The following ADARB2 variants were observed in gnomAD, a reference collection of about 807,000 sequenced individuals.
ADARB2 encodes adenosine deaminase RNA specific B2 (inactive), also known as inactive double-stranded RNA-specific editase B2.
Under a neutral mutation model 62.2 loss-of-function variants are expected in ADARB2, and 25 were observed. That is an observed-to-expected ratio of 0.40 (90% CI 0.29 to 0.56). The LOEUF (loss-of-function observed/expected upper bound fraction) is 0.56. Among genes scored for constraint, ADARB2 ranks in the 20% least tolerant of loss-of-function variants. The pLI is 0.43. For missense variants in ADARB2, 1,071 were observed against 1,077.4 expected, an observed-to-expected ratio of 0.99 and a Z score of 0.08; for synonymous variants, 572 against 500.8, an observed-to-expected ratio of 1.14 and a Z score of -1.90.
At chr10:1,711,743 T>C (rs1234829681) in intron 1 of ADARB2, among the ~76,000 whole-genome samples, 1 of 152,148 alleles carries the variant, frequency 6.6e-6, no homozygotes, top group Non-Finnish European at 1.5e-5. Flanking sequence ...CCCATGAAAA[T>C]AAGTAATGAA....
intron 3 of ADARB2, among the ~76,000 whole-genome samples, chr10:1,318,608 G>C (rs566743893): frequency 2.0e-4 from 6 of 29,758 alleles, no homozygotes; most frequent in African/African-American, 8.5e-4. Context: ...TGCTGTCCTC[G>C]TGTACAAGTG....
intron 1 of ADARB2, among the ~76,000 whole-genome samples, chr10:1,521,910 C>G (rs1200501870): frequency 1.3e-5 from 2 of 152,106 alleles, no homozygotes; most frequent in African/African-American, 4.8e-5. Flanking sequence ...AGCTGCGCCC[C>G]GACCACCTTG....
chr10:1,474,057 C>T lies in ADARB2; in HGVS notation c.101-94897G>A, dbSNP rs193132556. 2.6e-5 allele frequency among the ~76,000 whole-genome samples: 4 copies of T among 152,402 alleles called. No individual in the cohort carries two copies. The East Asian group carries it at 7.7e-4, about 29-fold the overall frequency. On this transcript the variant is annotated intron_variant, in intron 1 of 9. Transcript: ENST00000381312. ...TTCTAGTGCAGGAGACATGCCTTTC[C>T]TTGCTGAGCCCCCATCCCACTGAGC... is the stretch of plus-strand genomic sequence containing the variant.
At chr10:1,674,338 A>C (rs1834433130) in intron 1 of ADARB2, among the ~76,000 whole-genome samples, 1 of 152,210 alleles carries the variant, frequency 6.6e-6, no homozygotes, top group Admixed American at 6.5e-5. Flanking sequence ...GATTTCAATG[A>C]ATGGCTGCGT....
intron 1 of ADARB2, among the ~76,000 whole-genome samples, chr10:1,594,640 C>G (rs543331112): frequency 6.6e-6 from 1 of 152,158 alleles, no homozygotes; most frequent in African/African-American, 2.4e-5. Context: ...CTGAGAGAAA[C>G]GCCCACTCCT....
chr10:1,267,150 A>C (rs1041354679), intron 4 of ADARB2, among the ~76,000 whole-genome samples: 1 of 151,594 alleles, frequency 6.6e-6, no homozygotes, highest in Non-Finnish European at 1.5e-5. Context: ...AAAAAAAAAA[A>C]AACCTTTCCC....
chr10:1,679,773 C>T (rs755398990), intron 1 of ADARB2, among the ~76,000 whole-genome samples: 25 of 152,162 alleles, frequency 1.6e-4, no homozygotes, highest in African/African-American at 4.3e-4. Context: ...GATGTTCCAA[C>T]GACTGGATCG....
chr10:1,344,836 C>T (rs898696813), intron 3 of ADARB2, among the ~76,000 whole-genome samples: 3 of 152,220 alleles, frequency 2.0e-5, no homozygotes, highest in African/African-American at 7.2e-5. Context: ...GAGGAGCCCT[C>T]AGCCTGGCTG....
chr10:1,537,805 C>T lies in ADARB2; in HGVS notation c.101-158645G>A, dbSNP rs182049710. 2.1e-3 allele frequency among the ~76,000 whole-genome samples: 323 copies of T among 152,088 alleles called. 2 individuals carry two copies. Among genetic ancestry groups the T allele is most frequent in the African/African-American group, 7.5e-3 (310 of 41,474 alleles). On this transcript the variant is annotated intron_variant, in intron 1 of 9. Transcript: ENST00000381312. ...GGGAGGGGAACATCACACACCGGGACCTGTCAGGGGGTGAGGGGTGAGGGG... is the reference window on the plus strand; with the variant it reads ...GGGAGGGGAACATCACACACCGGGATCTGTCAGGGGGTGAGGGGTGAGGGG...
chr10:1,523,825 T>C (rs1173591828), intron 1 of ADARB2, among the ~76,000 whole-genome samples: 1 of 152,222 alleles, frequency 6.6e-6, no homozygotes, highest in East Asian at 1.9e-4. Flanking sequence ...GTCATCCTTT[T>C]AATCTCCTAT....
chr10:1,621,885 T>C (rs1035821804), intron 1 of ADARB2, among the ~76,000 whole-genome samples: 8 of 149,988 alleles, frequency 5.3e-5, no homozygotes, highest in South Asian at 4.3e-4. Context: ...AAAATATGTA[T>C]GAAAATAAAA....
At chr10:1,510,863 GTCTC>G (rs1046019077) in intron 1 of ADARB2, among the ~76,000 whole-genome samples, 8 of 151,726 alleles carry the variant, frequency 5.3e-5, no homozygotes, top group Admixed American at 2.0e-4. Context: ...AGCTCTCTCT[GTCTC>G]TCTCTCTTTC....
At chr10:1,219,049 C>CAAA (rs58282140) in intron 6 of ADARB2, among the ~76,000 whole-genome samples, 38 of 103,526 alleles carry the variant, frequency 3.7e-4, no homozygotes, top group African/African-American at 9.3e-4. Context: ...GACTACGTCT[C>CAAA]AAAAAAAAAA....
intron 1 of ADARB2, among the ~76,000 whole-genome samples, chr10:1,547,941 C>A (rs962733346): frequency 6.6e-6 from 1 of 152,110 alleles, no homozygotes; most frequent in Non-Finnish European, 1.5e-5. Flanking sequence ...CTTGCCTGGT[C>A]ACAGTGTTTT....
intron 1 of ADARB2, among the ~76,000 whole-genome samples, chr10:1,543,974 C>T (rs1448151537): frequency 7.1e-6 from 1 of 140,020 alleles, no homozygotes; most frequent in Non-Finnish European, 1.5e-5. Flanking sequence ...ATAGCTCTTA[C>T]TGAAAGCGAG....
chr10:1,428,397 T>C (rs1434669174), intron 1 of ADARB2, among the ~76,000 whole-genome samples: 1 of 149,352 alleles, frequency 6.7e-6, no homozygotes, highest in Non-Finnish European at 1.5e-5. Context: ...CGCCATTCTC[T>C]TGCCTCAGCC....
At chr10:1,348,888 A>G (rs1186727730) in intron 3 of ADARB2, among the ~76,000 whole-genome samples, 2 of 152,180 alleles carry the variant, frequency 1.3e-5, no homozygotes. Context: ...CAGGCATGCA[A>G]GCGACAGCGG....
At chr10:1,374,492 T>C (rs1005995587) in intron 2 of ADARB2, among the ~76,000 whole-genome samples, 2 of 152,202 alleles carry the variant, frequency 1.3e-5, no homozygotes, top group Admixed American at 1.3e-4. Flanking sequence ...ATGACTGTGG[T>C]GAAACTTTTG....
intron 7 of ADARB2, among the ~76,000 whole-genome samples, chr10:1,201,714 G>A (rs12261719): frequency 0.017 from 2,635 of 151,220 alleles, 72 homozygotes; most frequent in African/African-American, 0.061. Flanking sequence ...GCCTGTCACC[G>A]AGGACCTTCA....
Sources: allele counts gnomAD v4.1 joint callset (sites outside exome capture counted in the v4.1 genomes callset), GRCh38; gene constraint gnomAD v4.1.1; transcripts MANE v1.5; gene names NCBI Gene and HGNC (gene_info 2026-07-23, HGNC 2026-07-21).